ECI2: variants seen among roughly 807,000 people sequenced by gnomAD.
ECI2 encodes the protein D3,D2-enoyl-CoA isomerase.
A neutral mutation model predicts 38.4 loss-of-function variants in ECI2; 27 were observed. That is an observed-to-expected ratio of 0.70 (90% CI 0.52 to 0.97). The LOEUF is 0.97. Ranked by LOEUF, ECI2 falls within the 50% of genes least tolerant of loss-of-function variation. ECI2 has a pLI of 0.00. For missense variants in ECI2, 470 were observed against 474.4 expected (o/e 0.99, Z 0.09); for synonymous variants, 168 against 172.0 (o/e 0.98, Z 0.18).
chr6:4,122,464 A>T (rs1011749973), intron 7 of ECI2, among the ~76,000 whole-genome samples: 3 of 151,858 alleles, frequency 2.0e-5, no homozygotes, highest in Non-Finnish European at 4.4e-5. Context: ...CAAGTGATCC[A>T]CCTGCCTTGG....
At chr6:4,127,032 T>C (rs1478413650) in intron 5 of ECI2, among the ~76,000 whole-genome samples, 1 of 152,214 alleles carries the variant, frequency 6.6e-6, no homozygotes, top group African/African-American at 2.4e-5. Context: ...AGAAGAACTT[T>C]TGTCTACTGT....
chr6:4,129,900 T>G (rs182461156), intron 4 of ECI2, among the ~76,000 whole-genome samples: 157 of 152,200 alleles, frequency 1.0e-3, no homozygotes, highest in Non-Finnish European at 1.7e-3. Flanking sequence ...CGTTACCGAG[T>G]GAAGCAGCTA....
intron 1 of ECI2, chr6:4,135,206 G>C: frequency 1.3e-6 from 1 of 790,570 alleles, no homozygotes; most frequent in Non-Finnish European, 2.0e-6. Context: ...TCACCCGCCC[G>C]GAGTCCGGCC....
In ECI2 at chr6:4,127,744, C is replaced by G. The variant is rs941400812; in HGVS notation, c.571+18G>C. On this transcript the variant is annotated intron_variant, in intron 5 of 9. Transcript: ENST00000380118. ...TCAAAATAGAAATTTAATTAGGATG[C>G]CTGAGAAAATGTCTTACCTGTTAAA... The G allele has an allele frequency of 6.2e-7, 1 of 1,603,660 alleles. No individual in the cohort carries two copies. Among genetic ancestry groups the G allele is most frequent in the Non-Finnish European group, 8.5e-7 (1 of 1,175,878 alleles).
rs1403989412 is a variant in ECI2 at position 4,117,464 on chromosome 6, G to A, written c.886-13C>T. 1 of 1,608,550 alleles carries A rather than the reference G, an allele frequency of 6.2e-7. No homozygotes were observed. Among genetic ancestry groups the A allele is most frequent in the African/African-American group, 1.3e-5 (1 of 74,478 alleles). ...GCATCTCTGTTGCCTGAAATGAAAAGCAAGAAGCAAGGTTAAGATACTAAC... is the reference window on the plus strand; with the variant it reads ...GCATCTCTGTTGCCTGAAATGAAAAACAAGAAGCAAGGTTAAGATACTAAC... On this transcript the variant is annotated splice_polypyrimidine_tract_variant and intron_variant, in intron 8 of 9. Coordinates refer to ENST00000380118, the MANE Select transcript of ECI2 (RefSeq NM_206836.3).
At chr6:4,130,325 GA>G in intron 4 of ECI2, 46 bp downstream of exon 4, 1 of 1,613,948 alleles carries the variant, frequency 6.2e-7, no homozygotes, top group Non-Finnish European at 8.5e-7. Context: ...GAAACACATA[GA>G]AGAAGAAAGT....
Position 4,119,355 on chromosome 6 carries a change from C to T in ECI2, c.796-80G>A, listed in dbSNP as rs576622151. ...TTTTTTTGAGACAAAGGGTTTCGCT[C>T]TTTTGCCCAGGCTGCAGTGAAGTGG... is the stretch of plus-strand genomic sequence containing the variant. On this transcript the variant is annotated intron_variant, in intron 7 of 9. Transcript: ENST00000380118. The T allele has an allele frequency of 7.7e-3, 8,889 of 1,151,394 alleles. 49 individuals are homozygous for T. Among genetic ancestry groups the T allele is most frequent in the Non-Finnish European group, 9.8e-3 (7,937 of 810,026 alleles). The allele number at this position is 1,151,394 out of a possible 1,614,324, so 71.3% of individuals were successfully genotyped here.
intron 5 of ECI2, among the ~76,000 whole-genome samples, chr6:4,127,387 G>A (rs625577): frequency 0.017 from 2,447 of 145,230 alleles, 146 homozygotes; most frequent in Admixed American, 0.1. Context: ...TGACAGTACT[G>A]GAAAAGATCT....
At chr6:4,122,503 G>A (rs111684831) in intron 7 of ECI2, among the ~76,000 whole-genome samples, 172 of 152,044 alleles carry the variant, frequency 1.1e-3, no homozygotes, top group Non-Finnish European at 1.5e-3. Flanking sequence ...TTACAGGCAT[G>A]AGCCACCATG....
chr6:4,131,110 G>C (rs1773486231), intron 2 of ECI2, among the ~76,000 whole-genome samples: 1 of 143,024 alleles, frequency 7.0e-6, no homozygotes, highest in African/African-American at 3.0e-5. Context: ...TAAAGGTTTT[G>C]GGGAAGTATT....
intron 2 of ECI2, among the ~76,000 whole-genome samples, chr6:4,131,225 A>G (rs1773492525): frequency 6.6e-6 from 1 of 152,198 alleles, no homozygotes; most frequent in Admixed American, 6.5e-5. Context: ...CTAGTCAACA[A>G]ATACTTGAAA....
chr6:4,121,730 TTTC>T (rs998389762), intron 7 of ECI2, among the ~76,000 whole-genome samples: 1 of 151,860 alleles, frequency 6.6e-6, no homozygotes, highest in Non-Finnish European at 1.5e-5. Flanking sequence ...TATTTTTGTG[TTTC>T]TTAATGAATA....
intron 4 of ECI2, chr6:4,130,020 T>A: frequency 2.6e-6 from 3 of 1,168,266 alleles, no homozygotes; most frequent in Non-Finnish European, 3.7e-6. Flanking sequence ...CTTACTTTCA[T>A]GTCTAAGTGA....
intron 2 of ECI2, 64 bp from the exon 3 acceptor site, chr6:4,130,929 G>A (rs1327494701): frequency 6.7e-7 from 1 of 1,497,846 alleles, no homozygotes; most frequent in East Asian, 2.3e-5. Flanking sequence ...AAATATTTAA[G>A]ATCCATAAAA....
chr6:4,130,563 G>C lies in ECI2; in HGVS notation c.313-3C>G, dbSNP rs753409478. 1 of 1,614,078 alleles carries C rather than the reference G, an allele frequency of 6.2e-7. No individual in the cohort carries two copies. The highest frequency in any genetic ancestry group is 1.7e-5 in the Admixed American group (1 of 60,008). Reference sequence around the variant, plus strand: ...ACATAGTTCTGCCTGGCAGCTTCCTGAACGGACGATGACAAACAACCTCAG... The same window carrying C: ...ACATAGTTCTGCCTGGCAGCTTCCTCAACGGACGATGACAAACAACCTCAG... On this transcript the variant is annotated splice_polypyrimidine_tract_variant and splice_region_variant and intron_variant, in intron 3 of 9. Transcript: ENST00000380118.
At chr6:4,135,066 C>G (rs1052727453) in intron 1 of ECI2, 7 of 458,916 alleles carry the variant, frequency 1.5e-5, no homozygotes, top group Admixed American at 4.7e-5. Flanking sequence ...ACGTGTTCTC[C>G]AAGAAGCAGA....
At chr6:4,127,091 T>G (rs546597729) in intron 5 of ECI2, among the ~76,000 whole-genome samples, 1 of 152,226 alleles carries the variant, frequency 6.6e-6, no homozygotes. Context: ...CCTGTCTTTA[T>G]TTTGCTGAAC....
rs147139055 is a variant in ECI2, at chr6:4,117,329, T to C, written c.1008A>G (p.Ala336=). The C allele has an allele frequency of 9.3e-6, 15 of 1,604,760 alleles. No individual in the cohort carries two copies. The African/African-American group carries it at 2.0e-4, about 22-fold the overall frequency. ...FQKEVWTRLK[A]FAKLPPNALR... ...TAACATTTGGGGGAAGCTTTGCAAA[T>C]GCCTTCAGCCTGGTCCAGACTTCTT... Residue 336 remains alanine (A), a synonymous_variant, in exon 9 of 10, where the codon GCA becomes GCG. Coordinates refer to ENST00000380118, the MANE Select transcript of ECI2 (RefSeq NM_206836.3).
chr6:4,117,109 T>C (rs577301347), intron 9 of ECI2, among the ~76,000 whole-genome samples, 199 bp downstream of exon 9: 13 of 152,312 alleles, frequency 8.5e-5, no homozygotes, highest in African/African-American at 2.9e-4. Flanking sequence ...AAATGGAAGG[T>C]CTATTTGATA....
Sources: allele counts gnomAD v4.1 joint callset (sites outside exome capture counted in the v4.1 genomes callset), GRCh38; gene constraint gnomAD v4.1.1; transcripts MANE v1.5; gene names NCBI Gene and HGNC (gene_info 2026-07-23, HGNC 2026-07-21).